The following WNT2 variants were observed in gnomAD, a reference collection of about 807,000 sequenced individuals.
The protein encoded by WNT2 is protein Wnt-2.
Under a neutral mutation model 36.9 loss-of-function variants are expected in WNT2, and 12 were observed. That is an observed-to-expected ratio of 0.33 (90% CI 0.21 to 0.53). WNT2 has a LOEUF of 0.53. Among genes scored for constraint, WNT2 ranks in the 20% least tolerant of loss-of-function variants. The pLI is 0.95. For missense variants in WNT2, 379 were observed against 473.1 expected (o/e 0.80, Z 1.84); for synonymous variants, 163 against 174.6 (o/e 0.93, Z 0.52).
intron 4 of WNT2, among the ~76,000 whole-genome samples, chr7:117,287,774 G>A (rs927861550): frequency 2.6e-5 from 4 of 152,080 alleles, no homozygotes; most frequent in African/African-American, 7.2e-5. Flanking sequence ...GATCACTTGA[G>A]GTCAGGAGTT....
In WNT2 at chr7:117,287,506, T is replaced by A. The variant is rs150434551; in HGVS notation, c.854-9122A>T. Among the ~76,000 whole-genome samples, 323 of 152,258 alleles carry A rather than the reference T, an allele frequency of 2.1e-3. 1 individual carries two copies. Among genetic ancestry groups the A allele is most frequent in the African/African-American group, 7.4e-3 (306 of 41,542 alleles). ...CCCAGCTAACCTCCTTCATTAGGCC[T>A]GTAATGCACATCACGCCACAGGGTT... On this transcript the variant is annotated intron_variant, in intron 4 of 4. Transcript: ENST00000265441.
intron 2 of WNT2, 89 bp downstream of exon 2, chr7:117,320,478 A>G (rs1795301676): frequency 1.6e-6 from 2 of 1,287,574 alleles, no homozygotes; most frequent in Non-Finnish European, 2.2e-6. Context: ...ATAAAATGCA[A>G]TAGAAGATAA....
intron 3 of WNT2, among the ~76,000 whole-genome samples, chr7:117,303,319 C>G (rs145218145): frequency 6.6e-6 from 1 of 152,260 alleles, no homozygotes; most frequent in African/African-American, 2.4e-5. Context: ...AATCGTTATT[C>G]AATTAGAGAT....
chr7:117,322,822 G>T lies in WNT2; in HGVS notation c.83+85C>A. 1.4e-6 allele frequency: 2 copies of T among 1,404,128 alleles called. No homozygotes were observed. Among genetic ancestry groups the T allele is most frequent in the Non-Finnish European group, 1.0e-6 (1 of 998,492 alleles). The allele number at this position is 1,404,128 out of a possible 1,614,324, so 87.0% of individuals were successfully genotyped here. On this transcript the variant is annotated intron_variant, in intron 1 of 4. Transcript: ENST00000265441. This position sits in a 1 kb window ranked among gnomAD's most constrained non-coding sequence, Gnocchi z 5.4. ...ATCCGAGACTGCTGCGGCCGCGGGGGAACGCAGCCAGGAAGGGTCTATGTG... is the reference window on the plus strand; with the variant it reads ...ATCCGAGACTGCTGCGGCCGCGGGGTAACGCAGCCAGGAAGGGTCTATGTG...
chr7:117,297,893 G>C lies in WNT2; in HGVS notation c.589-17C>G. 1 of 1,600,480 alleles carries C rather than the reference G, an allele frequency of 6.2e-7. No homozygotes were observed. The highest frequency in any genetic ancestry group is 1.1e-5 in the South Asian group (1 of 90,006). ...CTTTACAGCCTGCCGAAAAAGACAG[G>C]GGCAAGTTCAGTGAGGTTCGAGCAG... On this transcript the variant is annotated splice_polypyrimidine_tract_variant and intron_variant, in intron 3 of 4. Transcript: ENST00000265441.
chr7:117,322,759 G>A lies in WNT2; in HGVS notation c.83+148C>T. The A allele has an allele frequency of 1.4e-6, 1 of 736,154 alleles. No homozygotes were observed. The highest frequency in any genetic ancestry group is 2.3e-6 in the Non-Finnish European group (1 of 426,248). 45.6% of individuals were successfully genotyped at this position (736,154 alleles called of 1,614,324 possible). On this transcript the variant is annotated intron_variant, in intron 1 of 4. Transcript: ENST00000265441. The surrounding 1 kb of genome is among the most constrained non-coding windows in gnomAD (Gnocchi z 5.4). Reference sequence around the variant, plus strand: ...TGGGAAAAGAGAAGGGGCTCACCATGGGGCGATAAGAGGGCAGTAGCCAGG... The same window carrying A: ...TGGGAAAAGAGAAGGGGCTCACCATAGGGCGATAAGAGGGCAGTAGCCAGG...
At position 117,315,336 on chromosome 7, in the gene WNT2, G is replaced by A; in HGVS notation, c.323C>T (p.Ser108Phe). The A allele has an allele frequency of 6.2e-7, 1 of 1,612,504 alleles. No homozygotes were observed. Among genetic ancestry groups the A allele is most frequent in the Non-Finnish European group, 8.5e-7 (1 of 1,179,240 alleles). The change falls in exon 3 of 5, where the codon TCT (serine) becomes TTT (phenylalanine). Residue 108 changes from serine (S) to phenylalanine (F), a missense_variant. Transcript: ENST00000265441. The stretch of plus-strand genomic sequence containing the variant: ...TGAGGAGATGGCATAAACAAAGGCA[G>A]ATTCCCGACTACCTGAAACAAAAAT... ...GRVLLRSSRE[S>F]AFVYAISSAG...
intron 4 of WNT2, among the ~76,000 whole-genome samples, chr7:117,289,457 T>C (rs2116338486): frequency 6.6e-6 from 1 of 152,284 alleles, no homozygotes; most frequent in African/African-American, 2.4e-5. Flanking sequence ...AAAAATTCCA[T>C]TGAACACTTA....
At chr7:117,301,338 C>CA (rs1794902295) in intron 3 of WNT2, among the ~76,000 whole-genome samples, 1 of 152,036 alleles carries the variant, frequency 6.6e-6, no homozygotes, top group Non-Finnish European at 1.5e-5. Flanking sequence ...AAACTGTACT[C>CA]AATCAGAGAG....
At chr7:117,288,317 T>G (rs4727847) in intron 4 of WNT2, among the ~76,000 whole-genome samples, 71,602 of 152,088 alleles carry the variant, frequency 0.47, 17,188 homozygotes, top group Middle Eastern at 0.57. Context: ...GAAACAGCCA[T>G]TTCTTAAGAG....
intron 4 of WNT2, among the ~76,000 whole-genome samples, chr7:117,279,340 C>G (rs1794439620): frequency 1.3e-5 from 2 of 152,164 alleles, no homozygotes; most frequent in South Asian, 2.1e-4. Flanking sequence ...CTACTTCCTC[C>G]CCCACAGAGA....
In WNT2 at chr7:117,295,032, A is replaced by G. The variant is rs1232746053; in HGVS notation, c.853+2580T>C. Among the ~76,000 whole-genome samples the G allele has an allele frequency of 2.0e-5, 3 of 152,342 alleles. No homozygotes were observed. In the East Asian group the frequency reaches 5.8e-4, roughly 29 times the overall value. ...CTTGAGCCCAGGAGGCGGAGGTTGCAGTGAGCCAAAATTGTGCCACTGCAC... is the reference window on the plus strand; with the variant it reads ...CTTGAGCCCAGGAGGCGGAGGTTGCGGTGAGCCAAAATTGTGCCACTGCAC... On this transcript the variant is annotated intron_variant, in intron 4 of 4. Coordinates refer to ENST00000265441, the MANE Select transcript of WNT2 (RefSeq NM_003391.3).
At chr7:117,293,694 C>T (rs1794733552) in intron 4 of WNT2, among the ~76,000 whole-genome samples, 2 of 151,944 alleles carry the variant, frequency 1.3e-5, no homozygotes, top group South Asian at 2.1e-4. Flanking sequence ...GTGAGAGTTC[C>T]GTTCACCAGA....
chr7:117,283,087 C>A (rs961894346), intron 4 of WNT2, among the ~76,000 whole-genome samples: 1 of 152,134 alleles, frequency 6.6e-6, no homozygotes, highest in South Asian at 2.1e-4. Context: ...ATAATGAATT[C>A]AGTTTTCAAC....
At chr7:117,310,992 T>C (rs1795110248) in intron 3 of WNT2, among the ~76,000 whole-genome samples, 1 of 152,216 alleles carries the variant, frequency 6.6e-6, no homozygotes. Context: ...CTTTTCCACA[T>C]TGATTTAGTA....
At chr7:117,319,835 A>G (rs959998561) in intron 2 of WNT2, among the ~76,000 whole-genome samples, 4 of 152,172 alleles carry the variant, frequency 2.6e-5, no homozygotes, top group African/African-American at 9.7e-5. Flanking sequence ...CATGTTTCCC[A>G]CCTCTATCCT....
At chr7:117,289,683 T>TG (rs1292421257) in intron 4 of WNT2, among the ~76,000 whole-genome samples, 1 of 152,218 alleles carries the variant, frequency 6.6e-6, no homozygotes, top group Non-Finnish European at 1.5e-5. Context: ...TACTAGGAGT[T>TG]GGGGAACTAG....
At chr7:117,282,448 A>G (rs560434566) in intron 4 of WNT2, among the ~76,000 whole-genome samples, 1 of 151,272 alleles carries the variant, frequency 6.6e-6, no homozygotes, top group Admixed American at 6.6e-5. Context: ...GAGGAGAAAG[A>G]GGAGGAGAGG....
intron 4 of WNT2, among the ~76,000 whole-genome samples, chr7:117,286,625 T>C (rs935003758): frequency 1.2e-4 from 19 of 152,206 alleles, no homozygotes; most frequent in African/African-American, 4.1e-4. Context: ...TCTCCTCTGG[T>C]TGTCTTACAT....
Sources: allele counts gnomAD v4.1 joint callset (sites outside exome capture counted in the v4.1 genomes callset), GRCh38; gene constraint gnomAD v4.1.1; non-coding constraint Gnocchi (gnomAD v3.1); transcripts MANE v1.5; gene names NCBI Gene and HGNC (gene_info 2026-07-23, HGNC 2026-07-21).